The following TLN2 variants were observed in gnomAD, a reference collection of about 807,000 sequenced individuals.
TLN2 encodes the protein talin 2.
In TLN2, 118 loss-of-function variants were observed where a neutral mutation model predicts 294.7. That is an observed-to-expected ratio of 0.40 (90% CI 0.34 to 0.47). The LOEUF is 0.47. TLN2 is among the 20% of genes least tolerant of loss of function. The probability of loss-of-function intolerance (pLI) is 0.84; values close to 1 mark genes in which losing one functional copy is unlikely to be tolerated. For synonymous variants in TLN2, 1,431 were observed against 1,304.5 expected (o/e 1.10, Z -2.09); for missense variants, 3,083 against 3,282.2 (o/e 0.94, Z 1.48).
chr15:62,591,112 C>A (rs2046043533), intron 2 of TLN2, among the ~76,000 whole-genome samples: 1 of 151,632 alleles, frequency 6.6e-6, no homozygotes, highest in African/African-American at 2.4e-5. Context: ...GGTTTATTTT[C>A]ACAAAATAAC....
chr15:62,602,223 T>G (rs2047063483), intron 2 of TLN2, among the ~76,000 whole-genome samples: 1 of 152,212 alleles, frequency 6.6e-6, no homozygotes. Flanking sequence ...TTTTACTTAG[T>G]TTCATCAATT....
chr15:62,786,038 G>A (rs185961014), intron 45 of TLN2, among the ~76,000 whole-genome samples: 2 of 152,150 alleles, frequency 1.3e-5, no homozygotes, highest in African/African-American at 4.8e-5. Context: ...TTCCAGACAC[G>A]AGAGCAGTGT....
At chr15:62,501,297 T>C (rs2039293548) in intron 1 of TLN2, among the ~76,000 whole-genome samples, 1 of 152,130 alleles carries the variant, frequency 6.6e-6, no homozygotes, top group Admixed American at 6.6e-5. Context: ...TTCCTATTTC[T>C]CCTGAGCAGG....
In TLN2 at chr15:62,730,276, G is replaced by A. The variant is rs528190595; in HGVS notation, c.3358+3087G>A. On this transcript the variant is annotated intron_variant, in intron 28 of 58. Coordinates refer to ENST00000636159, the MANE Select transcript of TLN2 (RefSeq NM_015059.3). ...AGGATGGTCTTGATCTTTTGACCTCGTAATCTGCCCTCCTCAGCCTCCCAA... is the reference window on the plus strand; with the variant it reads ...AGGATGGTCTTGATCTTTTGACCTCATAATCTGCCCTCCTCAGCCTCCCAA... Among the ~76,000 whole-genome samples, 8 of 152,086 alleles carry A rather than the reference G, an allele frequency of 5.3e-5. No individual in the cohort carries two copies. The South Asian group carries it at 1.2e-3, about 24-fold the overall frequency.
intron 1 of TLN2, among the ~76,000 whole-genome samples, chr15:62,580,780 T>C (rs763407117): frequency 2.6e-5 from 4 of 152,038 alleles, no homozygotes; most frequent in Non-Finnish European, 5.9e-5. Flanking sequence ...TCCACCTTTA[T>C]AGTATCATGC....
At chr15:62,698,891 A>C in intron 16 of TLN2, 24 bp downstream of exon 16, 2 of 1,601,868 alleles carry the variant, frequency 1.2e-6, no homozygotes, top group Middle Eastern at 3.3e-4. Flanking sequence ...AGTGGTTTTC[A>C]TGCCAAGTCT....
At chr15:62,517,190 C>T (rs556370624) in intron 1 of TLN2, among the ~76,000 whole-genome samples, 2 of 152,180 alleles carry the variant, frequency 1.3e-5, no homozygotes, top group South Asian at 4.1e-4. Flanking sequence ...GCCTTGGAGT[C>T]CCCACTTTCT....
In TLN2 at chr15:62,754,054, A is replaced by G. The variant is rs2062086158; in HGVS notation, c.4476+138A>G. On this transcript the variant is annotated intron_variant, in intron 36 of 58. Transcript: ENST00000636159. ...GTAGCTAAATGCCAGCATTGTAGAT[A>G]ATGACTCAGGTGGGAGCAAATATTG... 2.5e-6 allele frequency: 3 copies of G among 1,211,158 alleles called. No individual in the cohort carries two copies. The Admixed American group carries it at 1.1e-4, about 44-fold the overall frequency. 75.0% of individuals were successfully genotyped at this position (1,211,158 alleles called of 1,614,324 possible). A position where few individuals can be genotyped will look rare whatever the true frequency, so the allele number is the denominator to read the frequency against.
chr15:62,579,099 G>A (rs2044691737), intron 1 of TLN2, among the ~76,000 whole-genome samples: 1 of 152,164 alleles, frequency 6.6e-6, no homozygotes, highest in Non-Finnish European at 1.5e-5. Flanking sequence ...GGGAAACAAG[G>A]CTGAGGAGAA....
chr15:62,692,783 C>T (rs2058030542), intron 12 of TLN2, 57 bp from the exon 13 acceptor site: 2 of 1,412,382 alleles, frequency 1.4e-6, no homozygotes, highest in Non-Finnish European at 2.0e-6. Flanking sequence ...ACCTGCTAGC[C>T]TTTAAAATGC....
rs144866965 is a variant in TLN2, at chr15:62,835,797, G to T, written c.7189G>T (p.Ala2397Ser). Reference protein sequence around the residue: ...DGQWSQGLISAARMVAAATSS... With the variant: ...DGQWSQGLISSARMVAAATSS... ...ACAGTGGTCACAGGGGCTGATTTCT[G>T]CTGTGAGTTGCCTTCTCCTTCCTCC... is the stretch of plus-strand genomic sequence containing the variant. Residue 2397 changes from alanine to serine, a missense_variant and splice_region_variant, in exon 56 of 59, where the codon GCT (alanine) becomes TCT (serine). Physicochemically the swap from Ala to Ser is moderately conservative, Grantham distance 99 (BLOSUM62 1). Transcript: ENST00000636159. The T allele has an allele frequency of 6.2e-7, 1 of 1,614,216 alleles. No homozygotes were observed.
At chr15:62,662,504 A>T (rs1219115500) in intron 9 of TLN2, among the ~76,000 whole-genome samples, 1 of 152,220 alleles carries the variant, frequency 6.6e-6, no homozygotes, top group Non-Finnish European at 1.5e-5. Flanking sequence ...TCAAATATTA[A>T]CTAAGTCCAA....
In TLN2 at chr15:62,492,499, TGAGCCGAGATGG is replaced by T. The variant is rs1264836699; in HGVS notation, c.-237-97187_-237-97176del. On this transcript the variant is annotated intron_variant, in intron 1 of 58. Coordinates refer to ENST00000636159, the MANE Select transcript of TLN2 (RefSeq NM_015059.3). ...TGAATCCGGGAGGCAGAAGTTGCAGTGAGCCGAGATGGCGCCCCTGGGCGACAGAGCGAGACT... is the reference window on the plus strand; with the variant it reads ...TGAATCCGGGAGGCAGAAGTTGCAGTCGCCCCTGGGCGACAGAGCGAGACT... 2.1e-5 allele frequency among the ~76,000 whole-genome samples: 3 copies of T among 141,040 alleles called. No homozygotes were observed. In the East Asian group the frequency reaches 6.2e-4, roughly 29 times the overall value. The allele number at this position is 141,040 out of a possible 152,430, so 92.5% of individuals were successfully genotyped here. A position where few individuals can be genotyped will look rare whatever the true frequency, so the allele number is the denominator to read the frequency against.
chr15:62,686,630 T>A lies in TLN2; in HGVS notation c.958-11T>A, dbSNP rs200781214. On this transcript the variant is annotated splice_polypyrimidine_tract_variant and intron_variant, in intron 11 of 58. Coordinates refer to ENST00000636159, the MANE Select transcript of TLN2 (RefSeq NM_015059.3). Reference sequence around the variant, plus strand: ...AAGAAGAGCACTGACTCTTGGTATCTCCTGTTTCAGGAGAAGATGAAAGGC... The same window carrying A: ...AAGAAGAGCACTGACTCTTGGTATCACCTGTTTCAGGAGAAGATGAAAGGC... 1 of 1,608,346 alleles carries A rather than the reference T, an allele frequency of 6.2e-7. No homozygotes were observed. The highest frequency in any genetic ancestry group is 1.1e-5 in the South Asian group (1 of 90,030).
chr15:62,558,109 T>G (rs1175069402), intron 1 of TLN2, among the ~76,000 whole-genome samples: 1 of 152,250 alleles, frequency 6.6e-6, no homozygotes, highest in Non-Finnish European at 1.5e-5. Flanking sequence ...ATTTGAAAGC[T>G]ATCATTGTAA....
intron 1 of TLN2, among the ~76,000 whole-genome samples, chr15:62,554,132 T>C (rs551674012): frequency 6.6e-6 from 1 of 151,998 alleles, no homozygotes; most frequent in African/African-American, 2.4e-5. Context: ...TCTAAATTAT[T>C]ACAACAGTTG....
intron 1 of TLN2, among the ~76,000 whole-genome samples, chr15:62,558,681 G>C (rs1261187574): frequency 6.6e-6 from 1 of 152,160 alleles, no homozygotes; most frequent in African/African-American, 2.4e-5. Context: ...CTTCAACAAA[G>C]AACAGTAGGT....
chr15:62,437,045 C>T lies in TLN2; in HGVS notation c.-238+46360C>T, dbSNP rs543709235. ...TGCCCAACCCAATTGTATGATTTCT[C>T]TTTTGTATACATCCTCTAATATTTC... On this transcript the variant is annotated intron_variant, in intron 1 of 58. Coordinates refer to ENST00000636159, the MANE Select transcript of TLN2 (RefSeq NM_015059.3). 2.0e-5 allele frequency among the ~76,000 whole-genome samples: 3 copies of T among 152,364 alleles called. No homozygotes were observed. The South Asian group carries it at 6.2e-4, about 32-fold the overall frequency.
chr15:62,527,454 G>A (rs2040803753), intron 1 of TLN2, among the ~76,000 whole-genome samples: 1 of 152,178 alleles, frequency 6.6e-6, no homozygotes, highest in African/African-American at 2.4e-5. Flanking sequence ...CCGCTGTTGG[G>A]TGGAGGTGTT....
Sources: gnomAD v4.1 joint callset for allele counts (sites outside exome capture counted in the v4.1 genomes callset) on GRCh38, gnomAD v4.1.1 for gene constraint, MANE v1.5 for transcripts, NCBI Gene and HGNC (gene_info 2026-07-23, HGNC 2026-07-21) for gene names.